Variants in SETD1B observed in about 807,000 individuals in gnomAD.
The protein encoded by SETD1B is SET domain containing 1B, histone lysine methyltransferase.
In SETD1B, 7 loss-of-function variants were observed where a neutral mutation model predicts 148.0. The ratio of observed to expected loss-of-function variants is 0.05; its 90% CI spans 0.03 to 0.09. The LOEUF is 0.09. Among genes scored for constraint, SETD1B ranks in the 10% least tolerant of loss-of-function variants. The probability of loss-of-function intolerance (pLI) is 1.00; values close to 1 mark genes in which losing one functional copy is unlikely to be tolerated. For missense variants in SETD1B, 2,155 were observed against 2,729.9 expected (o/e 0.79, Z 4.69); for synonymous variants, 1,361 against 1,186.5 (o/e 1.15, Z -3.02).
Position 121,814,245 on chromosome 12 carries a change from C to G in SETD1B, c.2030C>G (p.Pro677Arg). 6.6e-7 allele frequency: 1 copy of G among 1,517,446 alleles called. No homozygotes were observed. Among genetic ancestry groups the G allele is most frequent in the Non-Finnish European group, 8.8e-7 (1 of 1,134,824 alleles). The allele number at this position is 1,517,446 out of a possible 1,614,324, so 94.0% of individuals were successfully genotyped here. ...GTGGCAGCCCCTTCTGTGCTAGCCC[C>G]AACCCTGCCGCTGCCCCCGCCACCT... ...AAVAAPSVLA[P>R]TLPLPPPPGF... Residue 677 changes from proline (P) to arginine (R), a missense_variant, in exon 7 of 17, where the codon CCA (proline) becomes CGA (arginine). Physicochemically the swap from Pro to Arg is moderately radical, Grantham distance 103. Around this residue, in one of 11 missense-constraint regions of SETD1B, gnomAD observed 295 missense variants for 303.8 expected, o/e 0.97. Coordinates refer to ENST00000604567, the MANE Select transcript of SETD1B (RefSeq NM_001353345.2).
At position 121,830,554 on chromosome 12, in the gene SETD1B, CTT is replaced by C. The variant is rs1317691632; in HGVS notation, c.*316_*317del. On this transcript the variant is annotated 3_prime_UTR_variant, in exon 17 of 17. Transcript: ENST00000604567. The surrounding 1 kb of genome is among the most constrained non-coding windows in gnomAD (Gnocchi z 5.7). ...CCTCCCCTCTCTCTCTTCTCTGTCT[CTT>C]CTCTCTCCCACCATCACCCTCGGCC... 7.4e-6 allele frequency: 2 copies of C among 270,256 alleles called. No homozygotes were observed. The highest frequency in any genetic ancestry group is 2.2e-5 in the African/African-American group (1 of 45,682). 16.7% of individuals were successfully genotyped at this position (270,256 alleles called of 1,614,324 possible). A position where few individuals can be genotyped will look rare whatever the true frequency, so the allele number is the denominator to read the frequency against.
chr12:121,797,600 T>C, the SETD1B span: 4 of 456,286 alleles, frequency 8.8e-6, no homozygotes, highest in Admixed American at 2.4e-5. Context: ...ACTGATTGGA[T>C]CCAGGGAGGG....
Position 121,819,622 on chromosome 12 carries a change from G to A in SETD1B, c.3637G>A (p.Gly1213Arg), listed in dbSNP as rs1166681775. Residue 1213 changes from glycine to arginine, a missense_variant, in exon 11 of 17, where the codon GGG becomes AGG. This residue lies in a region of SETD1B where 862 missense variants were observed against 873.8 expected (regional missense o/e 0.99). Coordinates refer to ENST00000604567, the MANE Select transcript of SETD1B (RefSeq NM_001353345.2). ...SAGPEDFEQD[G>R]EEAALAPGAP... ...AGGCCCTGAGGACTTTGAGCAGGACGGGGAGGAAGCGGCTCTGGCCCCGGG... is the reference window on the plus strand; with the variant it reads ...AGGCCCTGAGGACTTTGAGCAGGACAGGGAGGAAGCGGCTCTGGCCCCGGG... 10 of 1,551,780 alleles carry A rather than the reference G, an allele frequency of 6.4e-6. No individual in the cohort carries two copies. The highest frequency in any genetic ancestry group is 5.9e-5 in the Admixed American group (3 of 50,988).
Position 121,823,095 on chromosome 12 carries a change from G to T in SETD1B, c.4516G>T (p.Ala1506Ser). The T allele has an allele frequency of 3.1e-5, 9 of 286,946 alleles. No individual in the cohort carries two copies. Among genetic ancestry groups the T allele is most frequent in the Middle Eastern group, 1.7e-3 (2 of 1,188 alleles). 17.8% of individuals were successfully genotyped at this position (286,946 alleles called of 1,614,324 possible). The change falls in exon 12 of 17, where the codon GCC (alanine) becomes TCC (serine). Residue 1506 changes from alanine (A) to serine (S), a missense_variant. Physicochemically the swap from Ala to Ser is moderately conservative, Grantham distance 99 (BLOSUM62 1). Coordinates refer to ENST00000604567, the MANE Select transcript of SETD1B (RefSeq NM_001353345.2). Reference protein sequence around the residue: ...APTPLPPLLPAPLASCPPPMK... With the variant: ...APTPLPPLLPSPLASCPPPMK... ...CACCCCGCTGCCACCCCTGCTGCCC[G>T]CCCCCCTGGCCTCTTGCCCTCCCCC...
Position 121,822,973 on chromosome 12 carries a change from C to T in SETD1B, c.4394C>T (p.Pro1465Leu), listed in dbSNP as rs542008950. 2.6e-6 allele frequency: 4 copies of T among 1,537,434 alleles called. No homozygotes were observed. Among genetic ancestry groups the T allele is most frequent in the African/African-American group, 1.4e-5 (1 of 72,814 alleles). Residue 1465 changes from proline to leucine, a missense_variant, in exon 12 of 17, where the codon CCG becomes CTG. Pro to Leu is a moderately conservative substitution (Grantham distance 98). Transcript: ENST00000604567. Reference protein sequence around the residue: ...RDERSGPLASPVLLETGLPLP... With the variant: ...RDERSGPLASLVLLETGLPLP... ...GAACGCTCCGGGCCCCTGGCCTCCCCGGTGCTCCTGGAGACGGGCCTGCCC... is the reference window on the plus strand; with the variant it reads ...GAACGCTCCGGGCCCCTGGCCTCCCTGGTGCTCCTGGAGACGGGCCTGCCC...
chr12:121,817,018 C>G lies in SETD1B; in HGVS notation c.2716-15C>G. The G allele has an allele frequency of 6.7e-6, 10 of 1,494,706 alleles. No homozygotes were observed. The highest frequency in any genetic ancestry group is 9.0e-6 in the Non-Finnish European group (10 of 1,114,906). 92.6% of individuals were successfully genotyped at this position (1,494,706 alleles called of 1,614,324 possible). ...TGCCAGAAGCGGTGACGGTCCCCTC[C>G]TGTCTCCACCCCAGGCCTCGCTGAC... On this transcript the variant is annotated splice_polypyrimidine_tract_variant and intron_variant, in intron 7 of 16. Transcript: ENST00000604567. The surrounding 1 kb of genome is among the most constrained non-coding windows in gnomAD (Gnocchi z 8.1).
Position 121,808,090 on chromosome 12 carries a change from C to G in SETD1B, c.545-118C>G, listed in dbSNP as rs1442500386. ...GGGAACTCAGGGCCACACAGCCTCCCTAGGACTGGGGTCTCGGGCACAAGG... is the reference window on the plus strand; with the variant it reads ...GGGAACTCAGGGCCACACAGCCTCCGTAGGACTGGGGTCTCGGGCACAAGG... On this transcript the variant is annotated intron_variant, in intron 4 of 16. Coordinates refer to ENST00000604567, the MANE Select transcript of SETD1B (RefSeq NM_001353345.2). The surrounding 1 kb of genome is among the most constrained non-coding windows in gnomAD (Gnocchi z 5.3). The G allele has an allele frequency of 9.6e-6, 7 of 729,022 alleles. No individual in the cohort carries two copies. The highest frequency in any genetic ancestry group is 1.4e-5 in the Non-Finnish European group (6 of 429,446). 45.2% of individuals were successfully genotyped at this position (729,022 alleles called of 1,614,324 possible).
At chr12:121,815,167 C>CT in intron 7 of SETD1B, among the ~76,000 whole-genome samples, 1 of 152,290 alleles carries the variant, frequency 6.6e-6, no homozygotes, top group South Asian at 2.1e-4. Context: ...TGGCGTACAC[C>CT]TTTAATCCCA....
At chr12:121,793,523 C>T in the SETD1B span, 1 of 1,544,010 alleles carries the variant, frequency 6.5e-7, no homozygotes, top group South Asian at 1.2e-5. Context: ...GGCTGTACAC[C>T]ATGAGCAGCG....
intron 7 of SETD1B, among the ~76,000 whole-genome samples, chr12:121,816,381 A>G (rs1009675438): frequency 6.6e-6 from 1 of 151,848 alleles, no homozygotes; most frequent in African/African-American, 2.4e-5. Flanking sequence ...CCTGTTTGTC[A>G]TCCGTTTAAC....
rs1876557771 is a variant in SETD1B at position 121,821,370 on chromosome 12, G to C, written c.3911-1120G>C. Among the ~76,000 whole-genome samples, 10 of 151,804 alleles carry C rather than the reference G, an allele frequency of 6.6e-5. No homozygotes were observed. In the South Asian group the frequency reaches 2.1e-3, roughly 32 times the overall value. On this transcript the variant is annotated intron_variant, in intron 11 of 16. Transcript: ENST00000604567. ...GAGAATTGCTTGAACCCGGGTGGCA[G>C]AGGTTGCAGCGAGCCGAGATCGTGC...
rs1355489152 is a variant in SETD1B at position 121,808,227 on chromosome 12, C to T, written c.564C>T (p.Phe188=). Residue 188 remains phenylalanine (F), a synonymous_variant, in exon 5 of 17, where the codon TTC becomes TTT. Coordinates refer to ENST00000604567, the MANE Select transcript of SETD1B (RefSeq NM_001353345.2). The surrounding 1 kb of genome is among the most constrained non-coding windows in gnomAD (Gnocchi z 5.3). ...LDTKGETRMR[F]YELLVTGRYT... The stretch of plus-strand genomic sequence containing the variant: ...CTACAGGGGAAACCCGAATGCGGTT[C>T]TATGAACTGTTGGTCACTGGCCGAT... The T allele has an allele frequency of 6.4e-7, 1 of 1,551,450 alleles. No homozygotes were observed. Among genetic ancestry groups the T allele is most frequent in the Non-Finnish European group, 8.7e-7 (1 of 1,146,838 alleles).
At chr12:121,796,065 G>T in the SETD1B span, 6 of 152,582 alleles carry the variant, frequency 3.9e-5, no homozygotes, top group Non-Finnish European at 7.3e-5. Flanking sequence ...GGTGATGGAG[G>T]GGGGCTGGAT....
At position 121,814,687 on chromosome 12, in the gene SETD1B, C is replaced by G; in HGVS notation, c.2472C>G (p.Ser824Arg). Residue 824 changes from serine to arginine, a missense_variant, in exon 7 of 17, where the codon AGC becomes AGG. By Grantham distance (110) the Ser-to-Arg change is moderately radical. Around this residue, in one of 11 missense-constraint regions of SETD1B, gnomAD observed 289 missense variants for 423.7 expected, o/e 0.68. Coordinates refer to ENST00000604567, the MANE Select transcript of SETD1B (RefSeq NM_001353345.2). ...CCTACCGGGGCCCCTTCTCCCTGAG[C>G]AACTCCGGCCCAGGCCGCGGGCAGC... is the stretch of plus-strand genomic sequence containing the variant. The part of the protein sequence containing the change: ...LPPYRGPFSL[S>R]NSGPGRGQHW... 1 of 1,550,350 alleles carries G rather than the reference C, an allele frequency of 6.5e-7. No homozygotes were observed. Among genetic ancestry groups the G allele is most frequent in the Non-Finnish European group, 8.7e-7 (1 of 1,146,908 alleles).
chr12:121,797,764 G>T, the SETD1B span: 1 of 363,054 alleles, frequency 2.8e-6, no homozygotes, highest in Non-Finnish European at 5.5e-6. Context: ...AGAGGGTAAC[G>T]TGAGAGCAAC....
rs1876325712 is a variant in SETD1B at position 121,817,072 on chromosome 12, G to A, written c.2755G>A (p.Glu919Lys). The A allele has an allele frequency of 1.9e-6, 3 of 1,545,066 alleles. No homozygotes were observed. The highest frequency in any genetic ancestry group is 2.5e-5 in the East Asian group (1 of 40,784). The change falls in exon 8 of 17, where the codon GAG becomes AAG. Residue 919 changes from glutamate to lysine, a missense_variant. Coordinates refer to ENST00000604567, the MANE Select transcript of SETD1B (RefSeq NM_001353345.2). This position sits in a 1 kb window ranked among gnomAD's most constrained non-coding sequence, Gnocchi z 8.1. ...GGTGAAGTCGGGCGAGCACAAGGAC[G>A]AGGACAGGCCGAAGCCCAAGGACCG... ...TPVKSGEHKD[E>K]DRPKPKDRIA...
At chr12:121,791,325 C>G in the SETD1B span, among the ~76,000 whole-genome samples, 1 of 152,194 alleles carries the variant, frequency 6.6e-6, no homozygotes, top group South Asian at 2.1e-4. Flanking sequence ...GGGGTTTCAC[C>G]ATGTTGGGCA....
At chr12:121,799,421 C>G (rs1028443406), upstream of SETD1B, 2 of 152,222 alleles carry the variant, frequency 1.3e-5, no homozygotes, top group Middle Eastern at 3.2e-3. Flanking sequence ...CTCTAGCAGC[C>G]AGACATCAGA....
the SETD1B span, chr12:121,793,432 G>GGGGCTCT: frequency 6.6e-7 from 1 of 1,526,136 alleles, no homozygotes; most frequent in Non-Finnish European, 8.8e-7. Flanking sequence ...ACTGAGGGTC[G>GGGGCTCT]GGGCTCTGGG....
Sources: gnomAD v4.1 joint callset for allele counts (sites outside exome capture counted in the v4.1 genomes callset) on GRCh38, gnomAD v4.1.1 for gene constraint, gnomAD v4.1.1 regional missense constraint, Gnocchi (gnomAD v3.1) non-coding constraint, MANE v1.5 for transcripts, NCBI Gene and HGNC (gene_info 2026-07-23, HGNC 2026-07-21) for gene names.